The following SDK1 variants were observed in gnomAD, a reference collection of about 807,000 sequenced individuals.
The protein encoded by SDK1 is sidekick cell adhesion molecule 1.
In SDK1, 157 loss-of-function variants were observed where a neutral mutation model predicts 245.5. The observed-to-expected ratio is 0.64, with a 90% CI of 0.56 to 0.73. The LOEUF (loss-of-function observed/expected upper bound fraction) is 0.73. Ranked by LOEUF, SDK1 falls within the 30% of genes least tolerant of loss-of-function variation. The probability of loss-of-function intolerance (pLI) is 0.00; values close to 1 mark genes in which losing one functional copy is unlikely to be tolerated. For synonymous variants in SDK1, 1,647 were observed against 1,278.5 expected (o/e 1.29, Z -6.15); for missense variants, 3,583 against 3,002.3 (o/e 1.19, Z -4.52).
intron 34 of SDK1, 36 bp downstream of exon 34, chr7:4,175,870 G>A (rs1782176225): frequency 1.3e-6 from 2 of 1,583,888 alleles, no homozygotes; most frequent in Admixed American, 1.7e-5. Flanking sequence ...CATGCCGCGA[G>A]GCGCACACAC....
chr7:3,572,684 A>C (rs1039420578), intron 1 of SDK1, among the ~76,000 whole-genome samples: 8 of 152,066 alleles, frequency 5.3e-5, no homozygotes, highest in Non-Finnish European at 1.0e-4. Context: ...AGTGCCTGTA[A>C]TGTAACAGGC....
intron 5 of SDK1, among the ~76,000 whole-genome samples, chr7:3,848,195 A>G (rs1225314471): frequency 6.6e-6 from 1 of 152,232 alleles, no homozygotes; most frequent in African/African-American, 2.4e-5. Flanking sequence ...TAATTATTAA[A>G]CCTATAAAAT....
chr7:4,033,929 A>G (rs1290334785), intron 17 of SDK1, among the ~76,000 whole-genome samples: 5 of 152,020 alleles, frequency 3.3e-5, no homozygotes, highest in Non-Finnish European at 7.4e-5. Flanking sequence ...AACAGGATAG[A>G]CTCCTCACAA....
At chr7:4,229,380 G>A (rs1296059508) in intron 40 of SDK1, among the ~76,000 whole-genome samples, 1 of 152,164 alleles carries the variant, frequency 6.6e-6, no homozygotes, top group Admixed American at 6.5e-5. Flanking sequence ...TAATTCAGAA[G>A]GAAATTATCT....
intron 4 of SDK1, among the ~76,000 whole-genome samples, chr7:3,772,321 A>G (rs1780427360): frequency 6.6e-6 from 1 of 152,092 alleles, no homozygotes; most frequent in African/African-American, 2.4e-5. Context: ...CCTAAAGTCA[A>G]ATACTCTTAA....
intron 28 of SDK1, among the ~76,000 whole-genome samples, chr7:4,141,124 C>G (rs570443494): frequency 1.3e-5 from 2 of 152,296 alleles, no homozygotes; most frequent in South Asian, 4.1e-4. Context: ...GGCAGTGTAT[C>G]CTCCAAGGCA....
intron 4 of SDK1, among the ~76,000 whole-genome samples, chr7:3,649,192 T>G (rs1453604137): frequency 6.6e-6 from 1 of 152,058 alleles, no homozygotes; most frequent in East Asian, 1.9e-4. Flanking sequence ...TGAGAAGACA[T>G]GGATGGGTGG....
intron 3 of SDK1, among the ~76,000 whole-genome samples, 155 bp downstream of exon 3, chr7:3,639,265 C>T (rs1245508144): frequency 6.6e-6 from 1 of 152,104 alleles, no homozygotes; most frequent in Non-Finnish European, 1.5e-5. Flanking sequence ...GATAAGTAAG[C>T]AGCCAGCGTG....
At chr7:4,031,113 A>G (rs549621489) in intron 17 of SDK1, among the ~76,000 whole-genome samples, 7 of 152,246 alleles carry the variant, frequency 4.6e-5, no homozygotes, top group Non-Finnish European at 7.4e-5. Context: ...GTGGACACGT[A>G]TATATACATG....
chr7:3,504,415 C>T (rs971584266), intron 1 of SDK1, among the ~76,000 whole-genome samples: 2 of 151,882 alleles, frequency 1.3e-5, no homozygotes, highest in African/African-American at 2.4e-5. Flanking sequence ...TTCAAACTTA[C>T]TTTAAAGCTA....
chr7:3,438,619 C>T (rs370535609), intron 1 of SDK1, among the ~76,000 whole-genome samples: 9 of 152,048 alleles, frequency 5.9e-5, no homozygotes, highest in African/African-American at 2.4e-5. Context: ...CTGGAGTGGA[C>T]GGTGTCTGGC....
intron 4 of SDK1, among the ~76,000 whole-genome samples, chr7:3,781,493 A>C (rs1247743711): frequency 6.6e-6 from 1 of 152,194 alleles, no homozygotes; most frequent in Non-Finnish European, 1.5e-5. Context: ...TCAAATGTGC[A>C]GATAACACAA....
At chr7:3,552,052 T>G (rs535723973) in intron 1 of SDK1, among the ~76,000 whole-genome samples, 2 of 152,024 alleles carry the variant, frequency 1.3e-5, no homozygotes, top group African/African-American at 4.8e-5. Flanking sequence ...TCTTCTTTTT[T>G]TTTTGAGCCG....
chr7:4,060,754 C>G (rs1583982447), intron 19 of SDK1, among the ~76,000 whole-genome samples: 1 of 152,260 alleles, frequency 6.6e-6, no homozygotes, highest in Non-Finnish European at 1.5e-5. Flanking sequence ...AGGTTTTCTT[C>G]TAGGGTTTTT....
At chr7:3,950,627 G>C (rs1410242646) in intron 5 of SDK1, among the ~76,000 whole-genome samples, 2 of 152,122 alleles carry the variant, frequency 1.3e-5, no homozygotes, top group African/African-American at 2.4e-5. Flanking sequence ...ACTCACAATG[G>C]GGTTATGTTC....
rs562902034 is a variant in SDK1 at position 3,629,369 on chromosome 7, C to T, written c.459-9635C>T. Among the ~76,000 whole-genome samples, 23 of 151,938 alleles carry T rather than the reference C, an allele frequency of 1.5e-4. No homozygotes were observed. The South Asian group carries it at 4.8e-3, about 32-fold the overall frequency. On this transcript the variant is annotated intron_variant, in intron 2 of 44. Transcript: ENST00000404826. ...ACAGAGAAAGAATGCTGGAATCCTCCAGAGGGTCCCCCTTTAATATTTGGC... is the reference window on the plus strand; with the variant it reads ...ACAGAGAAAGAATGCTGGAATCCTCTAGAGGGTCCCCCTTTAATATTTGGC...
intron 4 of SDK1, among the ~76,000 whole-genome samples, chr7:3,759,372 G>A (rs927983165): frequency 6.6e-6 from 1 of 151,950 alleles, no homozygotes; most frequent in Non-Finnish European, 1.5e-5. Context: ...AAATAAATGT[G>A]TATGTATTTT....
chr7:3,782,684 T>A (rs747375551), intron 4 of SDK1, among the ~76,000 whole-genome samples: 25 of 152,208 alleles, frequency 1.6e-4, no homozygotes, highest in Non-Finnish European at 2.9e-4. Flanking sequence ...GAATTTATAT[T>A]TATATTTTAC....
At chr7:3,493,249 C>T (rs1781918564) in intron 1 of SDK1, among the ~76,000 whole-genome samples, 1 of 152,112 alleles carries the variant, frequency 6.6e-6, no homozygotes. Flanking sequence ...CCATGCCTGG[C>T]TGAAGAGAAG....
Sources: allele counts gnomAD v4.1 joint callset (sites outside exome capture counted in the v4.1 genomes callset), GRCh38; gene constraint gnomAD v4.1.1; transcripts MANE v1.5; gene names NCBI Gene and HGNC (gene_info 2026-07-23, HGNC 2026-07-21).